Variants in ARMC9 observed in about 807,000 individuals in gnomAD.
ARMC9 encodes the protein lisH domain-containing protein ARMC9.
In ARMC9, 94 loss-of-function variants were observed where a neutral mutation model predicts 107.0. The ratio of observed to expected loss-of-function variants is 0.88; its 90% CI spans 0.74 to 1.04. ARMC9 has a LOEUF of 1.04. Among genes scored for constraint, ARMC9 ranks in the 50% least tolerant of loss-of-function variants. ARMC9 has a pLI of 0.00. For synonymous variants in ARMC9, 380 were observed against 396.9 expected (o/e 0.96, Z 0.51); for missense variants, 942 against 1,030.1 (o/e 0.91, Z 1.17).
At chr2:231,323,805 A>G (rs1281039370) in intron 19 of ARMC9, among the ~76,000 whole-genome samples, 2 of 152,148 alleles carry the variant, frequency 1.3e-5, no homozygotes, top group African/African-American at 4.8e-5. Context: ...AACTTTTTAA[A>G]CCAAGAACCA....
chr2:231,363,011 C>G (rs879540910), intron 23 of ARMC9, among the ~76,000 whole-genome samples: 1 of 152,166 alleles, frequency 6.6e-6, no homozygotes, highest in Non-Finnish European at 1.5e-5. Flanking sequence ...GCACAGAGAG[C>G]GTGCAGGGCC....
intron 9 of ARMC9, among the ~76,000 whole-genome samples, chr2:231,247,085 A>G (rs888871878): frequency 2.0e-5 from 3 of 151,842 alleles, no homozygotes; most frequent in Non-Finnish European, 4.4e-5. Context: ...CCTCCCGAGT[A>G]GCTGGGACTA....
In ARMC9 at chr2:231,353,478, G is replaced by A. The variant is rs1360968274; in HGVS notation, c.1995-2320G>A. Among the ~76,000 whole-genome samples, 18 of 110,004 alleles carry A rather than the reference G, an allele frequency of 1.6e-4. 4 individuals carry two copies. Among genetic ancestry groups the A allele is most frequent in the African/African-American group, 5.4e-4 (5 of 9,322 alleles). 72.2% of individuals were successfully genotyped at this position (110,004 alleles called of 152,430 possible). A position where few individuals can be genotyped will look rare whatever the true frequency, so the allele number is the denominator to read the frequency against. On this transcript the variant is annotated intron_variant, in intron 21 of 24. Transcript: ENST00000611582. ...ATTACAGGTGTGAGCCACTGCACCC[G>A]GCCACAAAGTGACAATTCTAAGAAC... is the stretch of plus-strand genomic sequence containing the variant.
intron 7 of ARMC9, among the ~76,000 whole-genome samples, chr2:231,228,574 C>G (rs1054728729): frequency 2.0e-5 from 3 of 152,230 alleles, no homozygotes; most frequent in African/African-American, 7.2e-5. Context: ...TCTAACCTAG[C>G]CTCTGAAGTC....
At chr2:231,321,131 A>G (rs1433061282) in intron 19 of ARMC9, among the ~76,000 whole-genome samples, 1 of 152,266 alleles carries the variant, frequency 6.6e-6, no homozygotes, top group Non-Finnish European at 1.5e-5. Flanking sequence ...GTGAGGATCA[A>G]ATGAAACAAT....
At chr2:231,311,770 CAAAAAAAAAAAAAAAA>C (rs56713732) in intron 19 of ARMC9, among the ~76,000 whole-genome samples, 2 of 60,640 alleles carry the variant, frequency 3.3e-5, no homozygotes, top group Admixed American at 4.5e-4. Context: ...ACTCCATCGC[CAAAAAAAAAAAAAAAA>C]AAAAAAAAAA....
At chr2:231,349,459 T>C (rs956494177) in intron 21 of ARMC9, among the ~76,000 whole-genome samples, 4 of 150,656 alleles carry the variant, frequency 2.7e-5, no homozygotes, top group Admixed American at 2.7e-4. Flanking sequence ...GCTAGGGGAG[T>C]TGGAGAAGGT....
chr2:231,291,411 A>G lies in ARMC9; in HGVS notation c.1685A>G (p.Gln562Arg), dbSNP rs950669286. The change falls in exon 18 of 25, where the codon CAG becomes CGG. Residue 562 changes from glutamine (Q) to arginine (R), a missense_variant. Transcript: ENST00000611582. ...IKEGNAEMIR[Q>R]IEFIIKQLNS... ...GAAGGCAATGCTGAAATGATCCGCC[A>G]GATAGAATTCATCATCAAGCAGCTA... 2 of 1,613,696 alleles carry G rather than the reference A, an allele frequency of 1.2e-6. No individual in the cohort carries two copies. Among genetic ancestry groups the G allele is most frequent in the Non-Finnish European group, 1.7e-6 (2 of 1,179,846 alleles).
chr2:231,318,810 CAGGAACAGGAGTA>C (rs1344483527), intron 19 of ARMC9, among the ~76,000 whole-genome samples: 1 of 152,184 alleles, frequency 6.6e-6, no homozygotes, highest in East Asian at 1.9e-4. Context: ...ACTCCTGTTC[CAGGAACAGGAGTA>C]TATGCCTAGG....
chr2:231,251,851 G>A (rs185694048), intron 9 of ARMC9, among the ~76,000 whole-genome samples: 1 of 151,624 alleles, frequency 6.6e-6, no homozygotes. Flanking sequence ...TCAGCCTCCC[G>A]AGTAGCTGGG....
intron 6 of ARMC9, 29 bp from the exon 7 acceptor site, chr2:231,226,744 CT>C (rs780099932): frequency 2.5e-6 from 4 of 1,611,246 alleles, no homozygotes; most frequent in Non-Finnish European, 3.4e-6. Context: ...CCCTGAATGC[CT>C]GTTTTCCTGA....
At chr2:231,328,804 C>CTTTTGTTTTTTTT (rs1294809680) in intron 19 of ARMC9, among the ~76,000 whole-genome samples, 1 of 118,662 alleles carries the variant, frequency 8.4e-6, no homozygotes, top group Non-Finnish European at 1.9e-5. Context: ...GTTCAATTTT[C>CTTTTGTTTTTTTT]TTTTCTTTTC....
At chr2:231,321,769 C>T (rs1403457236) in intron 19 of ARMC9, among the ~76,000 whole-genome samples, 1 of 152,114 alleles carries the variant, frequency 6.6e-6, no homozygotes, top group Non-Finnish European at 1.5e-5. Context: ...CCATGTGAAG[C>T]GCGGTGTCTG....
chr2:231,283,113 G>A (rs2040337626), intron 17 of ARMC9, among the ~76,000 whole-genome samples: 1 of 152,144 alleles, frequency 6.6e-6, no homozygotes, highest in African/African-American at 2.4e-5. Context: ...AAGAGTCACA[G>A]TTGCAGGTTG....
chr2:231,337,255 T>G (rs979585342), intron 20 of ARMC9, among the ~76,000 whole-genome samples: 3 of 147,794 alleles, frequency 2.0e-5, no homozygotes, highest in Admixed American at 6.8e-5. Flanking sequence ...TGACTCAATG[T>G]CTATACGTGT....
chr2:231,318,633 G>A (rs2042836828), intron 19 of ARMC9, among the ~76,000 whole-genome samples: 4 of 152,216 alleles, frequency 2.6e-5, no homozygotes, highest in Admixed American at 2.0e-4. Flanking sequence ...AGGCAGGAAG[G>A]CCATGAACAC....
At position 231,374,827 on chromosome 2, in the gene ARMC9, A is replaced by T. The variant is rs2046147791; in HGVS notation, c.*3292A>T. On this transcript the variant is annotated 3_prime_UTR_variant, in exon 25 of 25. Transcript: ENST00000611582. ...AAATATTACATTAAAATATTACATC[A>T]TGTGTCTTCATTACTGAGTTTTGGG... 6.6e-6 allele frequency: 1 copy of T among 152,098 alleles called. No individual in the cohort carries two copies. Among genetic ancestry groups the T allele is most frequent in the Admixed American group, 6.6e-5 (1 of 15,262 alleles). The allele number at this position is 152,098 out of a possible 1,614,324, so 9.4% of individuals were successfully genotyped here.
At chr2:231,337,537 T>C (rs1397975442) in intron 20 of ARMC9, among the ~76,000 whole-genome samples, 1 of 125,554 alleles carries the variant, frequency 8.0e-6, no homozygotes, top group Non-Finnish European at 1.6e-5. Flanking sequence ...TGGCGGGATC[T>C]CGGCTCACTG....
intron 17 of ARMC9, among the ~76,000 whole-genome samples, chr2:231,285,332 T>C (rs1159913357): frequency 1.3e-5 from 2 of 152,040 alleles, no homozygotes; most frequent in East Asian, 3.9e-4. Flanking sequence ...GAAAAGGAAA[T>C]GTGGATTACT....
Sources: gnomAD v4.1 joint callset for allele counts (sites outside exome capture counted in the v4.1 genomes callset) on GRCh38, gnomAD v4.1.1 for gene constraint, MANE v1.5 for transcripts, NCBI Gene and HGNC (gene_info 2026-07-23, HGNC 2026-07-21) for gene names.